The following SH2D7 variants were observed in gnomAD, a reference collection of about 807,000 sequenced individuals.
SH2D7 encodes the protein SH2 domain-containing protein 7.
A neutral mutation model predicts 40.8 loss-of-function variants in SH2D7; 32 were observed. That is an observed-to-expected ratio of 0.78 (90% CI 0.59 to 1.05). The LOEUF (loss-of-function observed/expected upper bound fraction) is 1.05. Among genes scored for constraint, SH2D7 ranks in the 50% least tolerant of loss-of-function variants. The pLI is 0.00. For synonymous variants in SH2D7, 195 were observed against 221.5 expected (o/e 0.88, Z 1.06); for missense variants, 559 against 566.6 (o/e 0.99, Z 0.14).
upstream of SH2D7, among the ~76,000 whole-genome samples, chr15:78,091,989 T>C (rs2073943054): frequency 6.6e-6 from 1 of 152,242 alleles, no homozygotes; most frequent in South Asian, 2.1e-4. Flanking sequence ...TTTGACTCTA[T>C]ATTCTACACA....
chr15:78,103,454 C>T lies in SH2D7; in HGVS notation c.1306-11C>T. The T allele has an allele frequency of 1.3e-6, 2 of 1,556,310 alleles. No homozygotes were observed. Among genetic ancestry groups the T allele is most frequent in the Non-Finnish European group, 8.7e-7 (1 of 1,149,336 alleles). On this transcript the variant is annotated splice_polypyrimidine_tract_variant and intron_variant, in intron 5 of 5. Transcript: ENST00000328828. ...CGACCCCAGGCCCCAGTATCTCCTC[C>T]TTCCTTGCAGCCTGACAAGCTTCGG... is the stretch of plus-strand genomic sequence containing the variant.
intron 5 of SH2D7, among the ~76,000 whole-genome samples, chr15:78,102,308 T>C (rs1438096933): frequency 6.6e-6 from 1 of 152,200 alleles, no homozygotes; most frequent in Non-Finnish European, 1.5e-5. Flanking sequence ...ATGTCTTAAA[T>C]ACCACAATTA....
At chr15:78,102,239 C>A (rs2074022878) in intron 5 of SH2D7, among the ~76,000 whole-genome samples, 1 of 152,056 alleles carries the variant, frequency 6.6e-6, no homozygotes, top group East Asian at 1.9e-4. Context: ...AAAGTGAGAC[C>A]CTGTTTAAAA....
Position 78,098,088 on chromosome 15 carries a change from C to T in SH2D7, c.426C>T (p.Cys142=), listed in dbSNP as rs1303103866. 3.1e-6 allele frequency: 5 copies of T among 1,606,236 alleles called. No individual in the cohort carries two copies. The highest frequency in any genetic ancestry group is 3.4e-6 in the Non-Finnish European group (4 of 1,175,514). The stretch of plus-strand genomic sequence containing the variant: ...TCAAAGAGATGCTGACTGCTGCCTG[C>T]CCCCGGGTAGGCGCCCCACTTCCCC... ...EPFKEMLTAA[C]PRPEDNDLYD... is the part of the protein sequence containing the mutation. The change falls in exon 3 of 6, where the codon TGC becomes TGT. Residue 142 remains cysteine (C), a synonymous_variant. Coordinates refer to ENST00000328828, the MANE Select transcript of SH2D7 (RefSeq NM_001101404.2).
At position 78,098,494 on chromosome 15, in the gene SH2D7, C is replaced by CCT; in HGVS notation, c.543_544insCT (p.Ala182LeufsTer23). On this transcript the variant is annotated frameshift_variant, in exon 4 of 6. Coordinates refer to ENST00000328828, the MANE Select transcript of SH2D7 (RefSeq NM_001101404.2). LOFTEE classifies it high-confidence loss of function. ...TCCTCACAGTGGTCCCCGACAAGGC[C>CCT]GCCAGCCCCCGCTCTTCTCCAAAGC... 6.2e-7 allele frequency: 1 copy of CCT among 1,614,014 alleles called. No individual in the cohort carries two copies. The highest frequency in any genetic ancestry group is 1.1e-5 in the South Asian group (1 of 91,088).
chr15:78,091,765 C>T (rs1300733945), upstream of SH2D7, among the ~76,000 whole-genome samples: 1 of 152,136 alleles, frequency 6.6e-6, no homozygotes, highest in Non-Finnish European at 1.5e-5. Context: ...GTTTTTTCTT[C>T]AAAATCTGCA....
rs779898814 is a variant in SH2D7, at chr15:78,101,397, G to C, written c.1144G>C (p.Gly382Arg). 2.4e-5 allele frequency: 38 copies of C among 1,613,348 alleles called. No individual in the cohort carries two copies. Among genetic ancestry groups the C allele is most frequent in the Non-Finnish European group, 3.1e-5 (36 of 1,179,710 alleles). Residue 382 changes from glycine to arginine, a missense_variant, in exon 5 of 6, where the codon GGT becomes CGT. By Grantham distance (125) the Gly-to-Arg change is moderately radical. Transcript: ENST00000328828. ...STYEQIPACW[G>R]GPARAPHPGA... ...CTATGAGCAGATCCCAGCTTGCTGG[G>C]GTGGCCCAGCCAGGGCCCCACATCC...
chr15:78,096,295 G>A (rs2073972133), intron 2 of SH2D7, among the ~76,000 whole-genome samples: 1 of 152,022 alleles, frequency 6.6e-6, no homozygotes, highest in Admixed American at 6.6e-5. Flanking sequence ...AAATAAATAA[G>A]CAAAAATAGA....
At chr15:78,100,493 T>A (rs2074006339) in intron 4 of SH2D7, among the ~76,000 whole-genome samples, 1 of 151,750 alleles carries the variant, frequency 6.6e-6, no homozygotes. Context: ...AGGTCAGGAG[T>A]TCGAGACCAG....
Position 78,099,480 on chromosome 15 carries a change from A to ATTT in SH2D7, c.645+900_645+902dup, listed in dbSNP as rs34331155. ...AGGTGCACGCCACCATGCCTGGCTA[A>ATTT]TTTTTTTTTTTTTTTTTTGTATTTT... On this transcript the variant is annotated intron_variant, in intron 4 of 5. Coordinates refer to ENST00000328828, the MANE Select transcript of SH2D7 (RefSeq NM_001101404.2). 1.2e-3 allele frequency among the ~76,000 whole-genome samples: 163 copies of ATTT among 133,120 alleles called. 1 individual carries two copies. Among genetic ancestry groups the ATTT allele is most frequent in the African/African-American group, 3.8e-3 (132 of 35,052 alleles). The allele number at this position is 133,120 out of a possible 152,430, so 87.3% of individuals were successfully genotyped here.
chr15:78,091,137 C>T (rs1399443703), upstream of SH2D7: 1 of 152,136 alleles, frequency 6.6e-6, no homozygotes, highest in Non-Finnish European at 1.5e-5. Context: ...ACCTTGTGCT[C>T]CCAAAGTACT....
At chr15:78,094,296 AT>A in intron 2 of SH2D7, 95 bp downstream of exon 2, 1 of 1,213,998 alleles carries the variant, frequency 8.2e-7, no homozygotes. Flanking sequence ...AATTGCCTAG[AT>A]TTCCCTGGGT....
chr15:78,098,315 C>T, intron 3 of SH2D7, 69 bp from the exon 4 acceptor site: 7 of 1,570,288 alleles, frequency 4.5e-6, no homozygotes, highest in Non-Finnish European at 6.1e-6. Flanking sequence ...TACCAGCAGT[C>T]TCAGGCAGGC....
intron 4 of SH2D7, 28 bp downstream of exon 4, chr15:78,098,624 T>C: frequency 6.2e-7 from 1 of 1,602,506 alleles, no homozygotes; most frequent in Non-Finnish European, 8.5e-7. Flanking sequence ...CCACCTAGAG[T>C]CAGGGTTGCC....
chr15:78,097,938 T>C lies in SH2D7; in HGVS notation c.276T>C (p.Asp92=). The change falls in exon 3 of 6, where the codon GAT becomes GAC. Residue 92 remains aspartate (D), a synonymous_variant. Transcript: ENST00000328828. ...TGYILSYRGS[D]RCRHFVINQL... ...AGCACTTGTGTTGCAGGGGCAGTGA[T>C]CGCTGCCGACATTTTGTCATCAACC... is the stretch of plus-strand genomic sequence containing the variant. The C allele has an allele frequency of 1.9e-6, 3 of 1,613,784 alleles. No individual in the cohort carries two copies. The highest frequency in any genetic ancestry group is 1.7e-6 in the Non-Finnish European group (2 of 1,179,740).
intron 2 of SH2D7, 88 bp from the exon 3 acceptor site, chr15:78,097,841 C>A (rs576606983): frequency 6.6e-7 from 1 of 1,524,918 alleles, no homozygotes; most frequent in African/African-American, 1.4e-5. Context: ...GGACCCCTCA[C>A]CTGCACCCAG....
In SH2D7 at chr15:78,103,556, C is replaced by G; in HGVS notation, c.*41C>G. On this transcript the variant is annotated 3_prime_UTR_variant, in exon 6 of 6. Coordinates refer to ENST00000328828, the MANE Select transcript of SH2D7 (RefSeq NM_001101404.2). ...CAGCCCACCAGTGGGTTTCCTGGTA[C>G]CCAGGCCATGCCAGGGGTTATCGCA... 1 of 1,552,856 alleles carries G rather than the reference C, an allele frequency of 6.4e-7. No individual in the cohort carries two copies. The highest frequency in any genetic ancestry group is 1.2e-5 in the South Asian group (1 of 84,172).
chr15:78,092,807 G>C, intron 1 of SH2D7, 47 bp downstream of exon 1: 1 of 1,543,324 alleles, frequency 6.5e-7, no homozygotes, highest in Non-Finnish European at 8.8e-7. Context: ...ACAGCCCCTT[G>C]GGGCTGAGAA....
chr15:78,100,482 G>A (rs2074006317), intron 4 of SH2D7, among the ~76,000 whole-genome samples: 2 of 152,164 alleles, frequency 1.3e-5, no homozygotes, highest in African/African-American at 4.8e-5. Flanking sequence ...TGGATCACCT[G>A]AGGTCAGGAG....
Sources: allele counts gnomAD v4.1 joint callset (sites outside exome capture counted in the v4.1 genomes callset), GRCh38; gene constraint gnomAD v4.1.1; transcripts MANE v1.5; gene names NCBI Gene and HGNC (gene_info 2026-07-23, HGNC 2026-07-21).